The following CBL variants were observed in gnomAD, a reference collection of about 807,000 sequenced individuals.
CBL encodes the protein E3 ubiquitin-protein ligase CBL.
In CBL, 45 loss-of-function variants were observed where a neutral mutation model predicts 96.9. That is an observed-to-expected ratio of 0.46 (90% confidence interval 0.37 to 0.60). The LOEUF is 0.60. CBL is among the 20% of genes least tolerant of loss of function. The pLI, the probability that CBL is intolerant of heterozygous loss-of-function variation, is 0.00. For missense variants in CBL, 1,024 were observed against 1,143.5 expected (o/e 0.90, Z 1.51); for synonymous variants, 420 against 426.8 (o/e 0.98, Z 0.20).
rs757530036 is a variant in CBL, at chr11:119,298,472, C to T, written c.2366C>T (p.Thr789Ile). 1.9e-6 allele frequency: 3 copies of T among 1,614,108 alleles called. No homozygotes were observed. Among genetic ancestry groups the T allele is most frequent in the East Asian group, 4.5e-5 (2 of 44,894 alleles). The change falls in exon 15 of 16, where the codon ACT becomes ATT. Residue 789 changes from threonine to isoleucine, a missense_variant. Transcript: ENST00000264033. Reference sequence around the variant, plus strand: ...GTGCCGGCCGTGCTGGCCCGCCGAACTCTCTCAGATATCTCTAATGCCAGC... The same window carrying T: ...GTGCCGGCCGTGCTGGCCCGCCGAATTCTCTCAGATATCTCTAATGCCAGC... ...PPVPAVLARRTLSDISNASSS... is the reference protein window; with the variant it reads ...PPVPAVLARRILSDISNASSS...
intron 12 of CBL, among the ~76,000 whole-genome samples, chr11:119,296,188 T>G (rs1461829316): frequency 6.6e-6 from 1 of 152,200 alleles, no homozygotes; most frequent in Non-Finnish European, 1.5e-5. Flanking sequence ...ATCTTTAGGA[T>G]ATGCAAAAAT....
intron 1 of CBL, among the ~76,000 whole-genome samples, chr11:119,211,905 T>G (rs1949321910): frequency 6.6e-6 from 1 of 152,084 alleles, no homozygotes; most frequent in Non-Finnish European, 1.5e-5. Flanking sequence ...AGGTTTGAAT[T>G]TTATTTTTAT....
At chr11:119,241,197 C>A (rs1004550367) in intron 2 of CBL, among the ~76,000 whole-genome samples, 1 of 152,058 alleles carries the variant, frequency 6.6e-6, no homozygotes. Flanking sequence ...TAAATTTGCC[C>A]TCATTTTTCT....
chr11:119,277,365 G>C (rs1949898106), intron 6 of CBL, among the ~76,000 whole-genome samples: 1 of 151,992 alleles, frequency 6.6e-6, no homozygotes, highest in Admixed American at 6.6e-5. Context: ...GGGGAGCCAA[G>C]ATAGCTTTTC....
intron 2 of CBL, among the ~76,000 whole-genome samples, chr11:119,260,152 C>G (rs1488400501): frequency 6.6e-6 from 1 of 152,098 alleles, no homozygotes; most frequent in Non-Finnish European, 1.5e-5. Flanking sequence ...TTTCATGTCC[C>G]GTTACTGAGT....
At chr11:119,240,775 A>C (rs908327962) in intron 2 of CBL, among the ~76,000 whole-genome samples, 10 of 152,040 alleles carry the variant, frequency 6.6e-5, no homozygotes, top group Admixed American at 3.9e-4. Flanking sequence ...TCTTCTCTAT[A>C]AGAGTGTACA....
chr11:119,306,036 C>T lies in CBL; in HGVS notation c.*6255C>T. On this transcript the variant is annotated 3_prime_UTR_variant, in exon 16 of 16. Transcript: ENST00000264033. ...GCAGTGCCATGTGCCTTCACTGTGT[C>T]CCAGGAAATCTGGGTTGGTTCCAGT... The T allele has an allele frequency of 2.7e-6, 1 of 365,996 alleles. No individual in the cohort carries two copies. The highest frequency in any genetic ancestry group is 4.9e-6 in the Non-Finnish European group (1 of 205,476). 22.7% of individuals were successfully genotyped at this position (365,996 alleles called of 1,614,324 possible).
intron 9 of CBL, among the ~76,000 whole-genome samples, chr11:119,279,867 G>A (rs1345757877): frequency 6.6e-6 from 1 of 152,200 alleles, no homozygotes; most frequent in Non-Finnish European, 1.5e-5. Context: ...GTGCTAGATG[G>A]TTGAGTGCTA....
At chr11:119,288,052 AT>A in intron 12 of CBL, 106 bp downstream of exon 12, 1 of 749,406 alleles carries the variant, frequency 1.3e-6, no homozygotes, top group South Asian at 1.5e-5. Context: ...GAAAATAAAA[AT>A]CTCTGCACCA....
chr11:119,269,146 T>C lies in CBL; in HGVS notation c.444-2589T>C, dbSNP rs1382592445. ...TGATATATTCTTGATCTTGTCTATTTTCTCTTTGGTACATGGTAGAAATTC... is the reference window on the plus strand; with the variant it reads ...TGATATATTCTTGATCTTGTCTATTCTCTCTTTGGTACATGGTAGAAATTC... On this transcript the variant is annotated intron_variant, in intron 2 of 15. Coordinates refer to ENST00000264033, the MANE Select transcript of CBL (RefSeq NM_005188.4). Among the ~76,000 whole-genome samples, 4 of 152,204 alleles carry C rather than the reference T, an allele frequency of 2.6e-5. No individual in the cohort carries two copies. In the East Asian group the frequency reaches 7.7e-4, roughly 29 times the overall value.
intron 2 of CBL, among the ~76,000 whole-genome samples, chr11:119,247,943 C>T (rs1369276282): frequency 6.6e-6 from 1 of 152,238 alleles, no homozygotes; most frequent in African/African-American, 2.4e-5. Flanking sequence ...GACTTGTACA[C>T]TGGAAACTAC....
At chr11:119,283,621 C>CTTTTTTTTTTTTTTTTTTTTTTTTT (rs1410071154) in intron 9 of CBL, among the ~76,000 whole-genome samples, 1 of 36,496 alleles carries the variant, frequency 2.7e-5, no homozygotes, top group African/African-American at 8.5e-5. Flanking sequence ...CTTTTTAATT[C>CTTTTTTTTTTTTTTTTTTTTTTTTT]TTTCTTTTTT....
At chr11:119,289,227 C>T (rs1252108431) in intron 12 of CBL, among the ~76,000 whole-genome samples, 1 of 152,088 alleles carries the variant, frequency 6.6e-6, no homozygotes, top group Non-Finnish European at 1.5e-5. Flanking sequence ...TTGTATCTCC[C>T]TAGAATCTTT....
At chr11:119,236,391 C>G (rs1450337405) in intron 2 of CBL, among the ~76,000 whole-genome samples, 1 of 151,970 alleles carries the variant, frequency 6.6e-6, no homozygotes, top group Non-Finnish European at 1.5e-5. Flanking sequence ...ACAATTCACC[C>G]ATATTGTAGC....
chr11:119,219,360 G>C (rs1157418883), intron 1 of CBL, among the ~76,000 whole-genome samples: 1 of 147,684 alleles, frequency 6.8e-6, no homozygotes, highest in Non-Finnish European at 1.5e-5. Context: ...CCTGGGCACA[G>C]AGTGAGACTC....
chr11:119,275,398 A>G (rs368129245), intron 5 of CBL, among the ~76,000 whole-genome samples: 1 of 152,068 alleles, frequency 6.6e-6, no homozygotes, highest in Non-Finnish European at 1.5e-5. Context: ...AGATCATGTC[A>G]TTGCACTCTA....
chr11:119,287,721 GT>G, intron 11 of CBL, 130 bp from the exon 12 acceptor site: 1 of 719,556 alleles, frequency 1.4e-6, no homozygotes, highest in Non-Finnish European at 2.5e-6. Flanking sequence ...TTGGTCAGAT[GT>G]GATAACCCCT....
At chr11:119,227,935 T>G (rs1949471287) in intron 1 of CBL, among the ~76,000 whole-genome samples, 1 of 152,224 alleles carries the variant, frequency 6.6e-6, no homozygotes, top group Non-Finnish European at 1.5e-5. Context: ...TTTTTACTTC[T>G]GTGTCCCTGT....
At chr11:119,213,423 T>C (rs1320898027) in intron 1 of CBL, among the ~76,000 whole-genome samples, 2 of 152,184 alleles carry the variant, frequency 1.3e-5, no homozygotes, top group Non-Finnish European at 2.9e-5. Flanking sequence ...ATGTCTGAAG[T>C]GATGAGGATC....
Sources: gnomAD v4.1 joint callset for allele counts (sites outside exome capture counted in the v4.1 genomes callset) on GRCh38, gnomAD v4.1.1 for gene constraint, MANE v1.5 for transcripts, NCBI Gene and HGNC (gene_info 2026-07-23, HGNC 2026-07-21) for gene names.